PLPP7: variants seen among roughly 807,000 people sequenced by gnomAD.
PLPP7 encodes inactive phospholipid phosphatase 7.
A neutral mutation model predicts 16.9 loss-of-function variants in PLPP7; 11 were observed. That is an observed-to-expected ratio of 0.65 (90% confidence interval 0.41 to 1.08). PLPP7 has a LOEUF of 1.08. Among genes scored for constraint, PLPP7 ranks in the 50% least tolerant of loss-of-function variants. PLPP7 has a pLI of 0.00. For synonymous variants in PLPP7, 174 were observed against 175.1 expected, an observed-to-expected ratio of 0.99 and a Z score of 0.05; for missense variants, 358 against 397.1, an observed-to-expected ratio of 0.90 and a Z score of 0.84.
intron 1 of PLPP7, among the ~76,000 whole-genome samples, chr9:131,299,500 G>A (rs1835772733): frequency 6.6e-6 from 1 of 152,176 alleles, no homozygotes; most frequent in Admixed American, 6.5e-5. Context: ...TGCGCTGGAG[G>A]AGGAAGAGAG....
Position 131,290,353 on chromosome 9 carries a change from C to T in PLPP7, c.356C>T (p.Thr119Met), listed in dbSNP as rs745405016. 41 of 1,609,346 alleles carry T rather than the reference C, an allele frequency of 2.5e-5. No individual in the cohort carries two copies. Among genetic ancestry groups the T allele is most frequent in the Non-Finnish European group, 2.0e-5 (23 of 1,178,228 alleles). Residue 119 changes from threonine (T) to methionine (M), a missense_variant, in exon 1 of 2, where the codon ACG (threonine) becomes ATG (methionine). Physicochemically the swap from Thr to Met is moderately conservative, Grantham distance 81. Coordinates refer to ENST00000372264, the MANE Select transcript of PLPP7 (RefSeq NM_032728.4). This position sits in a 1 kb window ranked among gnomAD's most constrained non-coding sequence, Gnocchi z 4.2. The stretch of plus-strand genomic sequence containing the variant: ...TCCATGGTCAAGCTCATCGGCATCA[C>T]GGGCCACGGCATCCCCTGGATCGGA... ...ARSMVKLIGI[T>M]GHGIPWIGGT...
intron 1 of PLPP7, among the ~76,000 whole-genome samples, chr9:131,305,787 CAT>C (rs1224685752): frequency 2.0e-5 from 3 of 152,122 alleles, no homozygotes; most frequent in Non-Finnish European, 2.9e-5. Context: ...TGCCATCACA[CAT>C]GTCTAATTTT....
intron 1 of PLPP7, among the ~76,000 whole-genome samples, chr9:131,304,925 G>A (rs528832194): frequency 2.0e-5 from 3 of 152,358 alleles, no homozygotes; most frequent in Non-Finnish European, 2.9e-5. Context: ...CTGGAAGGCC[G>A]GGGCAGGTCC....
chr9:131,304,858 A>G (rs1231115993), intron 1 of PLPP7, among the ~76,000 whole-genome samples: 2 of 152,220 alleles, frequency 1.3e-5, no homozygotes, highest in African/African-American at 4.8e-5. Context: ...CTGCGGGGGA[A>G]AAGCCACGAA....
At position 131,290,521 on chromosome 9, in the gene PLPP7, T is replaced by C; in HGVS notation, c.451+73T>C. The C allele has an allele frequency of 7.2e-7, 1 of 1,384,416 alleles. No homozygotes were observed. The highest frequency in any genetic ancestry group is 9.6e-7 in the Non-Finnish European group (1 of 1,045,580). The allele number at this position is 1,384,416 out of a possible 1,614,324, so 85.8% of individuals were successfully genotyped here. The stretch of plus-strand genomic sequence containing the variant: ...CAGCCTGGCCTGCCCAACCCCACCC[T>C]GGCCGGGACCTGCACAGCCCTCAGA... On this transcript the variant is annotated intron_variant, in intron 1 of 1. Transcript: ENST00000372264. This position sits in a 1 kb window ranked among gnomAD's most constrained non-coding sequence, Gnocchi z 4.2.
At chr9:131,307,863 C>A (rs997639539) in intron 1 of PLPP7, 60 bp from the exon 2 acceptor site, 1 of 1,479,044 alleles carries the variant, frequency 6.8e-7, no homozygotes, top group Non-Finnish European at 8.9e-7. Context: ...TGTGGGGGGC[C>A]AGGGCCTGGG....
chr9:131,294,796 A>G (rs1323543546), intron 1 of PLPP7, among the ~76,000 whole-genome samples: 1 of 151,004 alleles, frequency 6.6e-6, no homozygotes, highest in Non-Finnish European at 1.5e-5. Flanking sequence ...TGGTTTCGTT[A>G]TGTTGGCCAG....
intron 1 of PLPP7, among the ~76,000 whole-genome samples, chr9:131,298,572 G>A (rs1402528664): frequency 1.3e-5 from 2 of 152,170 alleles, no homozygotes; most frequent in Admixed American, 6.5e-5. Context: ...GTCCTCAGGG[G>A]GAAAGCAGCC....
chr9:131,295,294 C>T lies in PLPP7; in HGVS notation c.451+4846C>T, dbSNP rs1217973552. On this transcript the variant is annotated intron_variant, in intron 1 of 1. Transcript: ENST00000372264. This position sits in a 1 kb window ranked among gnomAD's most constrained non-coding sequence, Gnocchi z 4.0. ...TCACCCTCCCGAGTAGCTGGGATTA[C>T]AGGTGCCCGCCACCACGACTGGCTA... is the stretch of plus-strand genomic sequence containing the variant. 1.3e-5 allele frequency among the ~76,000 whole-genome samples: 2 copies of T among 151,784 alleles called. No homozygotes were observed. Among genetic ancestry groups the T allele is most frequent in the African/African-American group, 4.8e-5 (2 of 41,346 alleles).
intron 1 of PLPP7, among the ~76,000 whole-genome samples, chr9:131,304,206 G>A (rs962502293): frequency 6.6e-6 from 1 of 152,222 alleles, no homozygotes; most frequent in Admixed American, 6.5e-5. Flanking sequence ...ACTCAGATCA[G>A]CTGGGTGAAA....
chr9:131,295,602 CT>C lies in PLPP7; in HGVS notation c.451+5158del, dbSNP rs1397710183. Among the ~76,000 whole-genome samples the C allele has an allele frequency of 5.9e-5, 9 of 152,274 alleles. No individual in the cohort carries two copies. In the South Asian group the frequency reaches 1.9e-3, roughly 32 times the overall value. ...ATCACCACCATCCATCTCCAGAACTCTTTTCATCTTTCATCTTAAAACACAG... is the reference window on the plus strand; with the variant it reads ...ATCACCACCATCCATCTCCAGAACTCTTTCATCTTTCATCTTAAAACACAG... On this transcript the variant is annotated intron_variant, in intron 1 of 1. Coordinates refer to ENST00000372264, the MANE Select transcript of PLPP7 (RefSeq NM_032728.4). The surrounding 1 kb of genome is among the most constrained non-coding windows in gnomAD (Gnocchi z 4.0).
chr9:131,307,245 CAA>C (rs1205183897), intron 1 of PLPP7, among the ~76,000 whole-genome samples: 109 of 97,678 alleles, frequency 1.1e-3, no homozygotes, highest in Non-Finnish European at 1.2e-3. Context: ...GACCCTGTAT[CAA>C]AAAAAAAAAA....
At chr9:131,302,578 C>T (rs1156383282) in intron 1 of PLPP7, among the ~76,000 whole-genome samples, 1 of 152,216 alleles carries the variant, frequency 6.6e-6, no homozygotes, top group Non-Finnish European at 1.5e-5. Context: ...CCTGGGAAGA[C>T]CCAGCCCAGG....
rs1305913181 is a variant in PLPP7 at position 131,295,098 on chromosome 9, G to C, written c.451+4650G>C. Among the ~76,000 whole-genome samples the C allele has an allele frequency of 6.6e-6, 1 of 151,458 alleles. No individual in the cohort carries two copies. Among genetic ancestry groups the C allele is most frequent in the Admixed American group, 6.6e-5 (1 of 15,252 alleles). ...CCACTGCACTCCAGCCTGGGCGACA[G>C]AGTGAGACTCTGTCTAAAAAAAAAG... On this transcript the variant is annotated intron_variant, in intron 1 of 1. Coordinates refer to ENST00000372264, the MANE Select transcript of PLPP7 (RefSeq NM_032728.4). This position sits in a 1 kb window ranked among gnomAD's most constrained non-coding sequence, Gnocchi z 4.0.
chr9:131,303,577 A>T (rs898063524), intron 1 of PLPP7, among the ~76,000 whole-genome samples: 4 of 151,720 alleles, frequency 2.6e-5, no homozygotes, highest in Non-Finnish European at 4.4e-5. Flanking sequence ...AGCTCCCAGC[A>T]TCTGGCTGCA....
chr9:131,307,458 A>C (rs1835865193), intron 1 of PLPP7, among the ~76,000 whole-genome samples: 3 of 145,046 alleles, frequency 2.1e-5, no homozygotes. Flanking sequence ...AGGCCGAGGC[A>C]GGAGAATCGC....
Position 131,308,381 on chromosome 9 carries a change from C to T in PLPP7, c.*94C>T, listed in dbSNP as rs1003383689. On this transcript the variant is annotated 3_prime_UTR_variant, in exon 2 of 2. Transcript: ENST00000372264. ...GGTGGCGGGCGTGGGTGGAACAGAG[C>T]GGCCAGGAGTCAGAGCGGCCACCCC... 33 of 1,445,614 alleles carry T rather than the reference C, an allele frequency of 2.3e-5. No homozygotes were observed. In the East Asian group the frequency reaches 4.0e-4, roughly 17 times the overall value. 89.5% of individuals were successfully genotyped at this position (1,445,614 alleles called of 1,614,324 possible).
At chr9:131,296,925 G>T (rs747502649) in intron 1 of PLPP7, among the ~76,000 whole-genome samples, 1 of 152,206 alleles carries the variant, frequency 6.6e-6, no homozygotes, top group Non-Finnish European at 1.5e-5. Flanking sequence ...GGCTTGTCTA[G>T]CCTGTTCCTA....
chr9:131,304,807 G>A lies in PLPP7; in HGVS notation c.452-3116G>A, dbSNP rs938554415. On this transcript the variant is annotated intron_variant, in intron 1 of 1. Coordinates refer to ENST00000372264, the MANE Select transcript of PLPP7 (RefSeq NM_032728.4). ...CTCCACGAAGTGATGACTTCATGCC[G>A]CAGACAGCGAACCCTCACCTCCCAA... is the stretch of plus-strand genomic sequence containing the variant. Among the ~76,000 whole-genome samples, 8 of 152,162 alleles carry A rather than the reference G, an allele frequency of 5.3e-5. No individual in the cohort carries two copies. The East Asian group carries it at 1.3e-3, about 26-fold the overall frequency.
Sources: gnomAD v4.1 joint callset for allele counts (sites outside exome capture counted in the v4.1 genomes callset) on GRCh38, gnomAD v4.1.1 for gene constraint, Gnocchi (gnomAD v3.1) non-coding constraint, MANE v1.5 for transcripts, NCBI Gene and HGNC (gene_info 2026-07-23, HGNC 2026-07-21) for gene names.